The following KCTD3 variants were observed in gnomAD, a reference collection of about 807,000 sequenced individuals.
KCTD3 encodes BTB/POZ domain-containing protein KCTD3.
A neutral mutation model predicts 85.8 loss-of-function variants in KCTD3; 41 were observed. The observed-to-expected ratio is 0.48, with a 90% CI of 0.37 to 0.62. The LOEUF (loss-of-function observed/expected upper bound fraction) is 0.62, where lower values mean the gene tolerates loss of function less well. KCTD3 is among the 20% of genes least tolerant of loss of function. The pLI, the probability that KCTD3 is intolerant of heterozygous loss-of-function variation, is 0.00. For synonymous variants in KCTD3, 338 were observed against 345.4 expected (o/e 0.98, Z 0.24); for missense variants, 724 against 989.9 (o/e 0.73, Z 3.60).
At chr1:215,611,697 C>A in intron 14 of KCTD3, 128 bp from the exon 15 acceptor site, 1 of 571,006 alleles carries the variant, frequency 1.8e-6, no homozygotes, top group South Asian at 2.9e-5. Context: ...TGATGTTGAG[C>A]TGAAATGTGA....
intron 15 of KCTD3, among the ~76,000 whole-genome samples, chr1:215,617,431 G>A (rs1247397009): frequency 6.6e-6 from 1 of 152,126 alleles, no homozygotes; most frequent in Non-Finnish European, 1.5e-5. Context: ...ATTAAATTGA[G>A]TTAGAGGACA....
At chr1:215,596,047 A>G (rs1243534557) in intron 10 of KCTD3, among the ~76,000 whole-genome samples, 1 of 152,198 alleles carries the variant, frequency 6.6e-6, no homozygotes, top group Non-Finnish European at 1.5e-5. Flanking sequence ...AGAGCACCTC[A>G]ACTAATGGCA....
intron 1 of KCTD3, 82 bp from the exon 2 acceptor site, chr1:215,573,704 C>G: frequency 1.3e-6 from 1 of 749,802 alleles, no homozygotes; most frequent in Non-Finnish European, 2.3e-6. Context: ...AAATCATTAG[C>G]CAGTGTATTA....
chr1:215,571,569 A>G (rs1307886277), intron 1 of KCTD3, among the ~76,000 whole-genome samples: 1 of 152,134 alleles, frequency 6.6e-6, no homozygotes, highest in African/African-American at 2.4e-5. Flanking sequence ...CAGTTAGCCA[A>G]TGAAAGAATA....
At chr1:215,604,098 A>T in intron 12 of KCTD3, 34 bp from the exon 13 acceptor site, 1 of 1,522,046 alleles carries the variant, frequency 6.6e-7, no homozygotes, top group Non-Finnish European at 8.9e-7. Flanking sequence ...ATCGTTCCAT[A>T]ATGTATCACC....
chr1:215,595,403 A>G lies in KCTD3; in HGVS notation c.865A>G (p.Asn289Asp), dbSNP rs766554950. ...TGTAGATGCTCTCTTCTTTATTGGT[A>G]ACCAGTTGGTGGCCACGAGTCATAC... is the stretch of plus-strand genomic sequence containing the variant. ...VPVDALFFIG[N>D]QLVATSHTGK... Residue 289 changes from asparagine to aspartate, a missense_variant, in exon 10 of 18, where the codon AAC (asparagine) becomes GAC (aspartate). Coordinates refer to ENST00000259154, the MANE Select transcript of KCTD3 (RefSeq NM_016121.5). 1 of 1,613,832 alleles carries G rather than the reference A, an allele frequency of 6.2e-7. No homozygotes were observed. Among genetic ancestry groups the G allele is most frequent in the African/African-American group, 1.3e-5 (1 of 75,036 alleles).
At chr1:215,616,308 C>T (rs1385045767) in intron 15 of KCTD3, among the ~76,000 whole-genome samples, 2 of 152,104 alleles carry the variant, frequency 1.3e-5, no homozygotes, top group East Asian at 3.9e-4. Context: ...AAATGTAATT[C>T]ACTAAATTAT....
intron 15 of KCTD3, among the ~76,000 whole-genome samples, chr1:215,615,297 A>G (rs146084832): frequency 6.5e-4 from 99 of 152,270 alleles, no homozygotes; most frequent in African/African-American, 2.3e-3. Context: ...AAAACCTTGT[A>G]GAAAATTTTA....
At chr1:215,605,705 C>A (rs898548153) in intron 13 of KCTD3, among the ~76,000 whole-genome samples, 1 of 152,102 alleles carries the variant, frequency 6.6e-6, no homozygotes, top group African/African-American at 2.4e-5. Flanking sequence ...TACAGTATCA[C>A]CATCTACTTA....
intron 10 of KCTD3, among the ~76,000 whole-genome samples, chr1:215,599,600 C>T (rs1327682025): frequency 1.3e-5 from 2 of 152,098 alleles, no homozygotes; most frequent in African/African-American, 4.8e-5. Flanking sequence ...TGGATTCTTG[C>T]CATGAAGTTG....
At chr1:215,619,704 T>G (rs1655590047) in intron 17 of KCTD3, among the ~76,000 whole-genome samples, 1 of 152,180 alleles carries the variant, frequency 6.6e-6, no homozygotes. Flanking sequence ...CAAAGTTCCA[T>G]AATGTCTTTT....
chr1:215,577,529 G>T (rs1352777813), intron 4 of KCTD3, 141 bp from the exon 5 acceptor site: 3 of 586,514 alleles, frequency 5.1e-6, no homozygotes, highest in African/African-American at 3.7e-5. Context: ...AAGGATAATA[G>T]AAATAAAGAG....
At chr1:215,590,556 C>T (rs750657689) in intron 9 of KCTD3, among the ~76,000 whole-genome samples, 1 of 152,042 alleles carries the variant, frequency 6.6e-6, no homozygotes, top group Non-Finnish European at 1.5e-5. Context: ...CTCCATTCTT[C>T]AGTTTAGATA....
rs750609950 is a variant in KCTD3, at chr1:215,573,864, A to G, written c.137+25A>G. 11 of 1,349,960 alleles carry G rather than the reference A, an allele frequency of 8.1e-6. No individual in the cohort carries two copies. The South Asian group carries it at 1.3e-4, about 16-fold the overall frequency. 83.6% of individuals were successfully genotyped at this position (1,349,960 alleles called of 1,614,324 possible). On this transcript the variant is annotated intron_variant, in intron 2 of 17. Transcript: ENST00000259154. ...GGTATGTCTTATAATTCTTTAGTGT[A>G]TATTTTAATACATTTATTTACCAAA...
chr1:215,583,245 T>C (rs1005529520), intron 8 of KCTD3, among the ~76,000 whole-genome samples: 3 of 152,172 alleles, frequency 2.0e-5, no homozygotes, highest in African/African-American at 7.2e-5. Flanking sequence ...CTTGATTATA[T>C]ACTAAATAAG....
At position 215,586,555 on chromosome 1, in the gene KCTD3, C is replaced by T. The variant is rs1002990070; in HGVS notation, c.687C>T (p.Ile229=). The change falls in exon 9 of 18, where the codon ATC becomes ATT. Residue 229 remains isoleucine (I), a synonymous_variant. Coordinates refer to ENST00000259154, the MANE Select transcript of KCTD3 (RefSeq NM_016121.5). ...VFTSPYLDWT[I]ERVALNAKVV... ...CGAGCCCATATTTGGATTGGACTAT[C>T]GAACGAGTAGCTTTAAATGCAAAGG... is the stretch of plus-strand genomic sequence containing the variant. The T allele has an allele frequency of 2.5e-6, 4 of 1,613,956 alleles. No homozygotes were observed. The highest frequency in any genetic ancestry group is 2.2e-5 in the East Asian group (1 of 44,864).
chr1:215,579,025 C>G lies in KCTD3; in HGVS notation c.423C>G (p.Asn141Lys). 6.4e-7 allele frequency: 1 copy of G among 1,565,012 alleles called. No homozygotes were observed. Among genetic ancestry groups the G allele is most frequent in the Non-Finnish European group, 8.6e-7 (1 of 1,161,232 alleles). ...PPGIPSRKIN[N>K]TVRSADSRNG... is the part of the protein sequence containing the mutation. ...GTATTCCTAGTCGTAAAATAAACAACACAGTCAGATCTGCTGATTCTAGGA... is the reference window on the plus strand; with the variant it reads ...GTATTCCTAGTCGTAAAATAAACAAGACAGTCAGATCTGCTGATTCTAGGA... The change falls in exon 7 of 18, where the codon AAC (asparagine) becomes AAG (lysine). Residue 141 changes from asparagine to lysine, a missense_variant. Transcript: ENST00000259154.
At chr1:215,604,366 G>A in intron 13 of KCTD3, 64 bp downstream of exon 13, 1 of 1,299,096 alleles carries the variant, frequency 7.7e-7, no homozygotes, top group Non-Finnish European at 1.1e-6. Context: ...TTAAAAGAAT[G>A]AAAACGCAGT....
chr1:215,567,627 C>G lies in KCTD3; in HGVS notation c.-59C>G, dbSNP rs1311285668. ...TCGCCGCTGCCTCGGGCTACAGCCC[C>G]GGGCTCGGCGGTCCCGGCTGGGGAA... is the stretch of plus-strand genomic sequence containing the variant. On this transcript the variant is annotated 5_prime_UTR_variant, in exon 1 of 18. Transcript: ENST00000259154. The G allele has an allele frequency of 1.8e-6, 2 of 1,120,348 alleles. No individual in the cohort carries two copies. The highest frequency in any genetic ancestry group is 2.2e-6 in the Non-Finnish European group (2 of 890,060). 69.4% of individuals were successfully genotyped at this position (1,120,348 alleles called of 1,614,324 possible).
Sources: allele counts gnomAD v4.1 joint callset (sites outside exome capture counted in the v4.1 genomes callset), GRCh38; gene constraint gnomAD v4.1.1; transcripts MANE v1.5; gene names NCBI Gene and HGNC (gene_info 2026-07-23, HGNC 2026-07-21).